Variants in TXNDC9 observed in about 807,000 individuals in gnomAD.
TXNDC9 encodes thioredoxin domain-containing protein 9.
A neutral mutation model predicts 23.0 loss-of-function variants in TXNDC9; 7 were observed. The observed-to-expected ratio is 0.30, with a 90% confidence interval of 0.17 to 0.57. The LOEUF (loss-of-function observed/expected upper bound fraction) is 0.57. TXNDC9 is among the 20% of genes least tolerant of loss of function. The pLI is 0.90. For synonymous variants in TXNDC9, 72 were observed against 90.6 expected (o/e 0.79, Z 1.17); for missense variants, 198 against 252.6 (o/e 0.78, Z 1.47).
At chr2:99,321,240 C>T (rs1409218323) in intron 4 of TXNDC9, 1 of 152,072 alleles carries the variant, frequency 6.6e-6, no homozygotes, top group Non-Finnish European at 1.5e-5. Flanking sequence ...CTTCTACTTC[C>T]TGAAAGGCAC....
chr2:99,319,603 T>G lies in TXNDC9; in HGVS notation c.*79A>C. The G allele has an allele frequency of 1.9e-6, 2 of 1,057,438 alleles. No homozygotes were observed. The highest frequency in any genetic ancestry group is 2.9e-6 in the Non-Finnish European group (2 of 701,184). The allele number at this position is 1,057,438 out of a possible 1,614,324, so 65.5% of individuals were successfully genotyped here. On this transcript the variant is annotated 3_prime_UTR_variant, in exon 5 of 5. Transcript: ENST00000264255. ...TATGAGTATTTAGGTGACCAATGTA[T>G]AGACATTAATAGAATTTTAAAAACA... is the stretch of plus-strand genomic sequence containing the variant.
At chr2:99,326,931 CTAAGA>C (rs1314540614) in intron 3 of TXNDC9, among the ~76,000 whole-genome samples, 1 of 152,096 alleles carries the variant, frequency 6.6e-6, no homozygotes, top group African/African-American at 2.4e-5. Context: ...GTGTACATTT[CTAAGA>C]TGTTTTTAGT....
chr2:99,321,146 A>C (rs2094200761), intron 4 of TXNDC9: 1 of 152,160 alleles, frequency 6.6e-6, no homozygotes, highest in Non-Finnish European at 1.5e-5. Flanking sequence ...CAATTTCTAC[A>C]ACATAGGAAT....
At position 99,327,571 on chromosome 2, in the gene TXNDC9, T is replaced by G. The variant is rs1398753268; in HGVS notation, c.272A>C (p.Asn91Thr). 1 of 1,613,524 alleles carries G rather than the reference T, an allele frequency of 6.2e-7. No individual in the cohort carries two copies. Among genetic ancestry groups the G allele is most frequent in the East Asian group, 2.2e-5 (1 of 44,820 alleles). Reference protein sequence around the residue: ...DFFQEVKESENVVCHFYRDST... With the variant: ...DFFQEVKESETVVCHFYRDST... ...GTCTCTGTAGAAATGGCAAACCACA[T>G]TTTCACTCTCCTTGACTTCTTGAAA... Residue 91 changes from asparagine (N) to threonine (T), a missense_variant, in exon 3 of 5, where the codon AAT becomes ACT. Asn to Thr is a moderately conservative substitution (Grantham distance 65, BLOSUM62 0). Coordinates refer to ENST00000264255, the MANE Select transcript of TXNDC9 (RefSeq NM_005783.4).
chr2:99,328,371 G>A (rs1049838365), intron 2 of TXNDC9, among the ~76,000 whole-genome samples: 3 of 151,814 alleles, frequency 2.0e-5, no homozygotes, highest in African/African-American at 7.3e-5. Flanking sequence ...AAAAGTGCTG[G>A]GGTTATAGGC....
chr2:99,321,800 C>T (rs2094202393), intron 4 of TXNDC9, 155 bp downstream of exon 4: 4 of 839,104 alleles, frequency 4.8e-6, no homozygotes, highest in Non-Finnish European at 5.3e-6. Context: ...TAATATTACA[C>T]ACTTCAAAAA....
At position 99,322,161 on chromosome 2, in the gene TXNDC9, G is replaced by A. The variant is rs530720051; in HGVS notation, c.357C>T (p.Leu119=). 1.5e-5 allele frequency: 25 copies of A among 1,614,100 alleles called. No individual in the cohort carries two copies. The highest frequency in any genetic ancestry group is 5.0e-5 in the Admixed American group (3 of 60,010). ...CATTCAGCTTCAAAAATTTGGTCTC[G>A]AGGTGTTTCTTGGACAATATTGCCA... The part of the protein sequence containing the change: ...RHLAILSKKH[L]ETKFLKLNVE... Residue 119 remains leucine (L), a synonymous_variant, in exon 4 of 5, where the codon CTC becomes CTT. Transcript: ENST00000264255.
chr2:99,330,405 G>C (rs2094222102), intron 2 of TXNDC9, among the ~76,000 whole-genome samples: 1 of 150,166 alleles, frequency 6.7e-6, no homozygotes, highest in Non-Finnish European at 1.5e-5. Flanking sequence ...TTTGAGGGAG[G>C]ATGTGCCCAT....
At chr2:99,309,317 T>G in the TXNDC9 span, among the ~76,000 whole-genome samples, 1 of 150,544 alleles carries the variant, frequency 6.6e-6, no homozygotes, top group African/African-American at 2.4e-5. Flanking sequence ...GAGGGTGGAG[T>G]GAACCGAGAT....
At chr2:99,315,344 C>A (rs560971007), downstream of TXNDC9, among the ~76,000 whole-genome samples, 514 of 152,212 alleles carry the variant, frequency 3.4e-3, 3 homozygotes, top group African/African-American at 0.011. Flanking sequence ...GAATTACAGG[C>A]ATGAGCCACC....
chr2:99,312,391 G>A, the TXNDC9 span, among the ~76,000 whole-genome samples: 2 of 151,942 alleles, frequency 1.3e-5, no homozygotes, highest in Non-Finnish European at 2.9e-5. Flanking sequence ...CAGCTACTGG[G>A]GAGGCTGAGG....
intron 1 of TXNDC9, 55 bp downstream of exon 1, chr2:99,336,184 G>A: frequency 7.1e-6 from 7 of 984,024 alleles, no homozygotes; most frequent in Non-Finnish European, 8.4e-6. Flanking sequence ...GCAGCAGAAT[G>A]TTCACCAGCA....
At chr2:99,317,148 GT>G (rs1037648353), downstream of TXNDC9, among the ~76,000 whole-genome samples, 1 of 151,928 alleles carries the variant, frequency 6.6e-6, no homozygotes, top group Non-Finnish European at 1.5e-5. Context: ...GTTTCCTTTA[GT>G]TTTTTTTGGA....
intron 2 of TXNDC9, among the ~76,000 whole-genome samples, chr2:99,329,324 T>G (rs1360967681): frequency 6.6e-6 from 1 of 152,192 alleles, no homozygotes; most frequent in African/African-American, 2.4e-5. Context: ...TATGAAAAGA[T>G]TTCTAGAGTT....
At chr2:99,334,942 C>T (rs2094235180) in intron 1 of TXNDC9, among the ~76,000 whole-genome samples, 1 of 152,188 alleles carries the variant, frequency 6.6e-6, no homozygotes, top group Non-Finnish European at 1.5e-5. Context: ...CTACGATCTC[C>T]TGACCTCGTG....
chr2:99,330,312 A>AAAAAAAAAAAAAAAAAAAAAAAAAAAAAC (rs2094221898), intron 2 of TXNDC9, among the ~76,000 whole-genome samples: 1 of 148,960 alleles, frequency 6.7e-6, no homozygotes, highest in Non-Finnish European at 1.5e-5. Context: ...AAAAAAAAAA[A>AAAAAAAAAAAAAAAAAAAAAAAAAAAAAC]AAAAAAAGCT....
chr2:99,335,130 T>A (rs111336921), intron 1 of TXNDC9, among the ~76,000 whole-genome samples: 3 of 152,330 alleles, frequency 2.0e-5, no homozygotes, highest in African/African-American at 7.2e-5. Context: ...TGATTTATAA[T>A]TTGCCTATCA....
chr2:99,318,265 C>T (rs779236171), downstream of TXNDC9, among the ~76,000 whole-genome samples: 18 of 152,090 alleles, frequency 1.2e-4, no homozygotes, highest in Non-Finnish European at 2.4e-4. Flanking sequence ...TTAATTGCTC[C>T]CCTCCCCAGA....
chr2:99,306,500 T>G, the TXNDC9 span, among the ~76,000 whole-genome samples: 1 of 152,168 alleles, frequency 6.6e-6, no homozygotes, highest in Non-Finnish European at 1.5e-5. Context: ...GCTGCTTAGT[T>G]GAGCTGGGGC....
Sources: gnomAD v4.1 joint callset for allele counts (sites outside exome capture counted in the v4.1 genomes callset) on GRCh38, gnomAD v4.1.1 for gene constraint, MANE v1.5 for transcripts, NCBI Gene and HGNC (gene_info 2026-07-23, HGNC 2026-07-21) for gene names.